SGSM1: variants seen among roughly 807,000 people sequenced by gnomAD.
The protein encoded by SGSM1 is RUN and TBC1 domain containing 2.
In SGSM1, 73 loss-of-function variants were observed where a neutral mutation model predicts 133.8. That is an observed-to-expected ratio of 0.55 (90% confidence interval 0.45 to 0.66). SGSM1 has a LOEUF of 0.66. Among genes scored for constraint, SGSM1 ranks in the 30% least tolerant of loss-of-function variants. SGSM1 has a pLI of 0.00. For missense variants in SGSM1, 1,213 were observed against 1,448.1 expected (o/e 0.84, Z 2.64); for synonymous variants, 563 against 573.0 (o/e 0.98, Z 0.25).
chr22:24,905,630 T>TA (rs911854491), intron 21 of SGSM1, among the ~76,000 whole-genome samples: 26 of 149,030 alleles, frequency 1.7e-4, no homozygotes, highest in African/African-American at 5.2e-4. Context: ...TACTAAAAAT[T>TA]AAAAAAAAAT....
intron 2 of SGSM1, among the ~76,000 whole-genome samples, chr22:24,809,133 C>T (rs139622): frequency 0.11 from 17,112 of 152,188 alleles, 1,022 homozygotes; most frequent in African/African-American, 0.14. Flanking sequence ...GGCAACAACT[C>T]GGTGCCCCCC....
intron 2 of SGSM1, among the ~76,000 whole-genome samples, chr22:24,807,152 A>G (rs779119886): frequency 1.3e-5 from 2 of 151,518 alleles, no homozygotes; most frequent in Admixed American, 1.3e-4. Flanking sequence ...CAGCGCGTGG[A>G]GAGGGGGGCA....
chr22:24,865,760 C>A (rs139712), intron 9 of SGSM1, among the ~76,000 whole-genome samples: 1 of 151,730 alleles, frequency 6.6e-6, no homozygotes, highest in Non-Finnish European at 1.5e-5. Flanking sequence ...GACTGCCATG[C>A]GGGGAGGGAG....
chr22:24,848,226 C>G (rs910236663), intron 4 of SGSM1, among the ~76,000 whole-genome samples: 1 of 151,506 alleles, frequency 6.6e-6, no homozygotes, highest in African/African-American at 2.4e-5. Flanking sequence ...CTCAAGCATC[C>G]GGGCCAGTGT....
intron 2 of SGSM1, among the ~76,000 whole-genome samples, chr22:24,823,670 T>C (rs1048777280): frequency 6.6e-6 from 1 of 151,156 alleles, no homozygotes; most frequent in African/African-American, 2.4e-5. Context: ...CAGTGGCTCA[T>C]GCCTGTAATC....
At chr22:24,888,508 C>A (rs1477321757) in intron 16 of SGSM1, among the ~76,000 whole-genome samples, 1 of 152,190 alleles carries the variant, frequency 6.6e-6, no homozygotes, top group Admixed American at 6.5e-5. Context: ...TGGCTCACGT[C>A]TATAATCCCA....
rs1306183564 is a variant in SGSM1, at chr22:24,895,279, C to T, written c.2010C>T (p.Ser670=). The T allele has an allele frequency of 1.2e-6, 2 of 1,611,444 alleles. No individual in the cohort carries two copies. Among genetic ancestry groups the T allele is most frequent in the South Asian group, 2.2e-5 (2 of 90,234 alleles). The stretch of plus-strand genomic sequence containing the variant: ...ACATCCGCCTGCACAGCGACTCCAG[C>T]AGCAGCACACAGGTGACCTTGTGGA... ...RQNIRLHSDS[S]SSTQVFESVD... The change falls in exon 18 of 25, where the codon AGC becomes AGT. Residue 670 remains serine, a synonymous_variant. Transcript: ENST00000400358.
chr22:24,901,998 TGGGTGGGTGGGATGGGGGATGTA>T, intron 20 of SGSM1, 41 bp downstream of exon 20: 1 of 571,976 alleles, frequency 1.7e-6, no homozygotes, highest in Non-Finnish European at 2.7e-6. Context: ...ATGGGGATGG[TGGGTGGGTGGGATGGGGGATGTA>T]GGGGGCCCGC....
chr22:24,905,764 G>A (rs978449616), intron 21 of SGSM1, among the ~76,000 whole-genome samples: 2 of 150,328 alleles, frequency 1.3e-5, no homozygotes, highest in African/African-American at 2.5e-5. Context: ...ACTCCAGCCT[G>A]GGAGACACAG....
At chr22:24,841,871 AG>A (rs140611057) in intron 2 of SGSM1, among the ~76,000 whole-genome samples, 4,001 of 152,252 alleles carry the variant, frequency 0.026, 71 homozygotes, top group Middle Eastern at 0.048. Flanking sequence ...TGTTGTCCTA[AG>A]GGGGTAAAGG....
At chr22:24,887,653 C>T (rs1371662034) in intron 16 of SGSM1, among the ~76,000 whole-genome samples, 1 of 151,340 alleles carries the variant, frequency 6.6e-6, no homozygotes, top group Non-Finnish European at 1.5e-5. Context: ...TTATATGAAA[C>T]TGGCAAACTT....
chr22:24,829,820 C>T (rs1285729574), intron 2 of SGSM1, among the ~76,000 whole-genome samples: 1 of 152,190 alleles, frequency 6.6e-6, no homozygotes, highest in African/African-American at 2.4e-5. Context: ...GAATAATGAG[C>T]TTCACCACCA....
At chr22:24,904,311 T>C (rs147798846) in intron 20 of SGSM1, among the ~76,000 whole-genome samples, 141 of 152,216 alleles carry the variant, frequency 9.3e-4, no homozygotes, top group African/African-American at 3.2e-3. Context: ...CCGGGCGCAG[T>C]GTCTCACGCC....
At position 24,927,267 on chromosome 22, in the gene SGSM1, C is replaced by CTAAGCTAACA. The variant is rs1228356363; in HGVS notation, c.*2993_*2994insTAAGCTAACA. The stretch of plus-strand genomic sequence containing the variant: ...ACTGGATTCCGTATCTTGCATCCTC[C>CTAAGCTAACA]AGCAGGCTAGCTTAGGCTTGTTTAC... On this transcript the variant is annotated 3_prime_UTR_variant, in exon 25 of 25. Coordinates refer to ENST00000400358, the MANE Select transcript of SGSM1 (RefSeq NM_001098497.3). The CTAAGCTAACA allele has an allele frequency of 6.6e-6, 1 of 152,218 alleles. No individual in the cohort carries two copies. The highest frequency in any genetic ancestry group is 6.5e-5 in the Admixed American group (1 of 15,272). The allele number at this position is 152,218 out of a possible 1,614,324, so 9.4% of individuals were successfully genotyped here.
At position 24,908,647 on chromosome 22, in the gene SGSM1, A is replaced by G. The variant is rs1933499921; in HGVS notation, c.2818+3460A>G. Among the ~76,000 whole-genome samples, 7 of 151,992 alleles carry G rather than the reference A, an allele frequency of 4.6e-5. No homozygotes were observed. The South Asian group carries it at 1.5e-3, about 32-fold the overall frequency. On this transcript the variant is annotated intron_variant, in intron 21 of 24. Transcript: ENST00000400358. ...GAAACCCTGTCTCTACTAAAAATAC[A>G]AAAAATTAGCTGGGCGTGGTGGCGG...
intron 2 of SGSM1, among the ~76,000 whole-genome samples, chr22:24,823,851 C>A (rs1601893052): frequency 6.7e-6 from 1 of 149,886 alleles, no homozygotes; most frequent in Admixed American, 6.7e-5. Flanking sequence ...TCGAGGCTGC[C>A]GTGAGCCATG....
At chr22:24,883,848 C>T (rs983403025) in intron 14 of SGSM1, among the ~76,000 whole-genome samples, 4 of 152,044 alleles carry the variant, frequency 2.6e-5, no homozygotes, top group Admixed American at 6.6e-5. Context: ...CCCAGGTACT[C>T]GAGAGGCTGT....
intron 8 of SGSM1, 107 bp from the exon 9 acceptor site, chr22:24,859,609 C>G (rs929772021): frequency 6.7e-7 from 1 of 1,493,172 alleles, no homozygotes; most frequent in East Asian, 2.4e-5. Context: ...AAGGGATTAA[C>G]CCAACCTCTT....
At position 24,919,979 on chromosome 22, in the gene SGSM1, T is replaced by G; in HGVS notation, c.3179T>G (p.Ile1060Ser). The G allele has an allele frequency of 6.2e-7, 1 of 1,605,338 alleles. No homozygotes were observed. The change falls in exon 24 of 25, where the codon ATC becomes AGC. Residue 1060 changes from isoleucine to serine, a missense_variant. Ile to Ser is a moderately radical substitution (Grantham distance 142). Coordinates refer to ENST00000400358, the MANE Select transcript of SGSM1 (RefSeq NM_001098497.3). ...AACAACATGGATTTCACAGACATCA[T>G]CAAATTCTTTAATGGTACCCACATG... ...LENNMDFTDI[I>S]KFFNEMAERH...
Sources: allele counts gnomAD v4.1 joint callset (sites outside exome capture counted in the v4.1 genomes callset), GRCh38; gene constraint gnomAD v4.1.1; transcripts MANE v1.5; gene names NCBI Gene and HGNC (gene_info 2026-07-23, HGNC 2026-07-21).